RNLS: variants seen among roughly 807,000 people sequenced by gnomAD.
The protein encoded by RNLS is renalase, FAD dependent amine oxidase, also known as renalase.
In RNLS, 39 loss-of-function variants were observed where a neutral mutation model predicts 39.8. The ratio of observed to expected loss-of-function variants is 0.98; its 90% confidence interval spans 0.76 to 1.28. The LOEUF is 1.28. Among genes scored for constraint, RNLS ranks in the 50% most tolerant of loss-of-function variants. RNLS has a pLI of 0.00. For synonymous variants in RNLS, 147 were observed against 150.7 expected, an observed-to-expected ratio of 0.98 and a Z score of 0.18; for missense variants, 410 against 413.3, an observed-to-expected ratio of 0.99 and a Z score of 0.07.
chr10:88,268,803 C>A, the RNLS span, among the ~76,000 whole-genome samples: 1 of 152,214 alleles, frequency 6.6e-6, no homozygotes, highest in African/African-American at 2.4e-5. Context: ...GAAACTCTTG[C>A]AATGTTCTGA....
chr10:88,416,009 G>A (rs1479411721), intron 4 of RNLS, among the ~76,000 whole-genome samples: 1 of 152,006 alleles, frequency 6.6e-6, no homozygotes, highest in African/African-American at 2.4e-5. Context: ...CAGTTAGCAT[G>A]ACAAAGCCTA....
chr10:88,381,536 T>TA (rs1206287098), intron 4 of RNLS, among the ~76,000 whole-genome samples: 8 of 152,034 alleles, frequency 5.3e-5, no homozygotes, highest in Admixed American at 1.3e-4. Context: ...ATTCAGCTTT[T>TA]AAAAAATTCT....
intron 4 of RNLS, among the ~76,000 whole-genome samples, chr10:88,549,692 A>T (rs188590847): frequency 2.0e-4 from 31 of 152,368 alleles, no homozygotes; most frequent in Admixed American, 1.2e-3. Flanking sequence ...CCAGTATTAC[A>T]GCCGACTGAT....
Position 88,497,396 on chromosome 10 carries a change from T to C in RNLS, c.526+75507A>G, listed in dbSNP as rs551480319. ...ACTGAAAGATTTATAATGCCTTGAT[T>C]TTGGTTAGTAGGTTGATCCAAATAC... On this transcript the variant is annotated intron_variant, in intron 4 of 6. Transcript: ENST00000331772. Among the ~76,000 whole-genome samples, 3 of 152,144 alleles carry C rather than the reference T, an allele frequency of 2.0e-5. No homozygotes were observed. The South Asian group carries it at 6.2e-4, about 32-fold the overall frequency.
chr10:88,461,540 C>T (rs1475513263), intron 4 of RNLS, among the ~76,000 whole-genome samples: 1 of 152,086 alleles, frequency 6.6e-6, no homozygotes, highest in Non-Finnish European at 1.5e-5. Context: ...TCTACCCTTT[C>T]CCACAACACC....
the RNLS span, among the ~76,000 whole-genome samples, chr10:88,180,302 A>T: frequency 6.6e-6 from 1 of 152,226 alleles, no homozygotes; most frequent in Non-Finnish European, 1.5e-5. Context: ...CTCAGAGATG[A>T]CATTAAACAA....
intron 4 of RNLS, among the ~76,000 whole-genome samples, chr10:88,548,536 G>T (rs1003211213): frequency 6.7e-6 from 1 of 148,670 alleles, no homozygotes; most frequent in African/African-American, 2.5e-5. Context: ...CCACTAGGGA[G>T]GCTGAGACAC....
chr10:88,304,074 G>A (rs1176611781), intron 6 of RNLS, among the ~76,000 whole-genome samples: 1 of 152,244 alleles, frequency 6.6e-6, no homozygotes, highest in African/African-American at 2.4e-5. Flanking sequence ...CAGACCAGGA[G>A]TTGGGAGCTA....
chr10:88,260,214 A>G, the RNLS span, among the ~76,000 whole-genome samples: 1 of 152,172 alleles, frequency 6.6e-6, no homozygotes, highest in South Asian at 2.1e-4. Flanking sequence ...ACATGAAGAT[A>G]AGCAAACTTG....
downstream of RNLS, among the ~76,000 whole-genome samples, chr10:88,279,392 C>T (rs768371367): frequency 6.6e-6 from 1 of 152,128 alleles, no homozygotes; most frequent in African/African-American, 2.4e-5. Flanking sequence ...TTACACTTTG[C>T]ATGTACATAC....
At chr10:88,445,512 C>G (rs1308142005) in intron 4 of RNLS, among the ~76,000 whole-genome samples, 1 of 152,162 alleles carries the variant, frequency 6.6e-6, no homozygotes, top group African/African-American at 2.4e-5. Context: ...TTAAAAGACA[C>G]AGACTGGCAA....
chr10:88,581,750 C>G, intron 2 of RNLS, 41 bp from the exon 3 acceptor site: 1 of 1,298,330 alleles, frequency 7.7e-7, no homozygotes, highest in Non-Finnish European at 1.0e-6. Context: ...AATTATATAC[C>G]ATGAATAGCT....
intron 4 of RNLS, among the ~76,000 whole-genome samples, chr10:88,436,920 T>C (rs1841443708): frequency 1.3e-5 from 2 of 152,264 alleles, no homozygotes; most frequent in African/African-American, 4.8e-5. Flanking sequence ...AGCTTGCGCT[T>C]TGTAATTTCA....
At chr10:88,307,547 G>A (rs1457512172) in intron 6 of RNLS, among the ~76,000 whole-genome samples, 2 of 152,082 alleles carry the variant, frequency 1.3e-5, no homozygotes, top group Non-Finnish European at 2.9e-5. Context: ...GTCAAGCCAA[G>A]GGCCAAATCA....
At chr10:88,340,797 C>G (rs916112229) in intron 5 of RNLS, among the ~76,000 whole-genome samples, 6 of 152,112 alleles carry the variant, frequency 3.9e-5, no homozygotes, top group Non-Finnish European at 8.8e-5. Flanking sequence ...TGCGGTGGCT[C>G]TCACCTGTAA....
chr10:88,259,527 A>T, the RNLS span, among the ~76,000 whole-genome samples: 2 of 152,154 alleles, frequency 1.3e-5, no homozygotes, highest in African/African-American at 4.8e-5. Flanking sequence ...AGGTGAATGA[A>T]TTTTGGCCAA....
At chr10:88,504,844 A>AGT (rs34411833) in intron 4 of RNLS, among the ~76,000 whole-genome samples, 22,078 of 136,050 alleles carry the variant, frequency 0.16, 1,700 homozygotes, top group African/African-American at 0.22. Context: ...AGAGAGACAG[A>AGT]GTGTGTGTGT....
chr10:88,216,121 C>T, the RNLS span, among the ~76,000 whole-genome samples: 6 of 152,148 alleles, frequency 3.9e-5, no homozygotes, highest in Non-Finnish European at 7.3e-5. Flanking sequence ...ATCTCTATAT[C>T]GTATCTTTGC....
chr10:88,426,324 T>C (rs530353097), intron 4 of RNLS, among the ~76,000 whole-genome samples: 2 of 152,154 alleles, frequency 1.3e-5, no homozygotes, highest in Admixed American at 1.3e-4. Context: ...AAACACAGAA[T>C]AGAGGCCAAG....
Sources: allele counts gnomAD v4.1 joint callset (sites outside exome capture counted in the v4.1 genomes callset), GRCh38; gene constraint gnomAD v4.1.1; transcripts MANE v1.5; gene names NCBI Gene and HGNC (gene_info 2026-07-23, HGNC 2026-07-21).